HEXA: variants seen among roughly 807,000 people sequenced by gnomAD.
The protein encoded by HEXA is beta-hexosaminidase subunit alpha.
In HEXA, 54 loss-of-function variants were observed where a neutral mutation model predicts 73.3. The observed-to-expected ratio is 0.74, with a 90% CI of 0.59 to 0.92. The LOEUF (loss-of-function observed/expected upper bound fraction) is 0.92. Among genes scored for constraint, HEXA ranks in the 40% least tolerant of loss-of-function variants. The pLI is 0.00. For synonymous variants in HEXA, 230 were observed against 246.9 expected (o/e 0.93, Z 0.64); for missense variants, 649 against 653.0 (o/e 0.99, Z 0.07).
At chr15:72,355,340 A>G (rs2088760906) in intron 3 of HEXA, 1 of 568,912 alleles carries the variant, frequency 1.8e-6, no homozygotes, top group Non-Finnish European at 3.2e-6. Flanking sequence ...GGCCTGGGCA[A>G]TATGGTGAAA....
intron 1 of HEXA, among the ~76,000 whole-genome samples, chr15:72,365,120 C>T (rs1273779944): frequency 3.3e-5 from 5 of 150,568 alleles, no homozygotes; most frequent in African/African-American, 9.8e-5. Context: ...GACGGAGTCT[C>T]GCTCTGTCGC....
chr15:72,350,146 G>T (rs2088675993), intron 7 of HEXA: 1 of 343,934 alleles, frequency 2.9e-6, no homozygotes, highest in African/African-American at 2.1e-5. Flanking sequence ...GGAGGGCTGA[G>T]GGTATACAGA....
Position 72,365,249 on chromosome 15 carries a change from C to T in HEXA, c.254-8632G>A, listed in dbSNP as rs368243018. Among the ~76,000 whole-genome samples, 221 of 152,150 alleles carry T rather than the reference C, an allele frequency of 1.5e-3. 1 individual carries two copies. Among genetic ancestry groups the T allele is most frequent in the Admixed American group, 5.0e-3 (76 of 15,286 alleles). ...GGACCACAGGCGCACGCCACCGTGC[C>T]CGGCTAATTTTTTATTATTATTATT... On this transcript the variant is annotated intron_variant, in intron 1 of 13. Coordinates refer to ENST00000268097, the MANE Select transcript of HEXA (RefSeq NM_000520.6).
chr15:72,346,358 T>C (rs1362083734), intron 11 of HEXA, 33 bp from the exon 12 acceptor site: 2 of 1,584,672 alleles, frequency 1.3e-6, no homozygotes, highest in South Asian at 2.2e-5. Context: ...AGTCTGGTGA[T>C]GGTGGGGTAA....
rs1567293930 is a variant in HEXA at position 72,343,080 on chromosome 15, G to T, written c.*997C>A. ...ACTAAAAATACAAAAAATTAGCCGG[G>T]CGTGGTGGCGGGCGCCTGTAGTCCC... On this transcript the variant is annotated 3_prime_UTR_variant, in exon 14 of 14. Coordinates refer to ENST00000268097, the MANE Select transcript of HEXA (RefSeq NM_000520.6). 6.6e-6 allele frequency: 1 copy of T among 152,280 alleles called. No homozygotes were observed. The highest frequency in any genetic ancestry group is 6.5e-5 in the Admixed American group (1 of 15,282). 9.4% of individuals were successfully genotyped at this position (152,280 alleles called of 1,614,324 possible).
chr15:72,365,283 T>C (rs372522082), intron 1 of HEXA, among the ~76,000 whole-genome samples: 1 of 152,142 alleles, frequency 6.6e-6, no homozygotes, highest in African/African-American at 2.4e-5. Flanking sequence ...TTATTTTTAG[T>C]AGAGACGATG....
At chr15:72,352,989 A>T (rs78840677) in intron 5 of HEXA, 79 bp downstream of exon 5, 2 of 873,692 alleles carry the variant, frequency 2.3e-6, no homozygotes, top group South Asian at 2.7e-5. Context: ...TAACTCTTTA[A>T]GAATTTGGAA....
intron 1 of HEXA, among the ~76,000 whole-genome samples, chr15:72,372,673 A>G (rs1352914309): frequency 6.6e-6 from 1 of 152,218 alleles, no homozygotes; most frequent in Non-Finnish European, 1.5e-5. Flanking sequence ...GAAAGGTGGC[A>G]AATACTAAAC....
intron 1 of HEXA, among the ~76,000 whole-genome samples, chr15:72,364,928 C>G (rs2088897029): frequency 6.7e-6 from 1 of 150,060 alleles, no homozygotes; most frequent in African/African-American, 2.5e-5. Flanking sequence ...CTCAAGTGAT[C>G]CTCCTGCCTC....
At chr15:72,366,939 T>C (rs1331340564) in intron 1 of HEXA, among the ~76,000 whole-genome samples, 1 of 148,310 alleles carries the variant, frequency 6.7e-6, no homozygotes, top group Non-Finnish European at 1.5e-5. Context: ...AATTTCACTG[T>C]TTTTTTTTTG....
intron 1 of HEXA, among the ~76,000 whole-genome samples, chr15:72,362,047 T>C (rs558411904): frequency 2.6e-5 from 4 of 152,360 alleles, no homozygotes; most frequent in Admixed American, 6.5e-5. Context: ...CAGAATTCAC[T>C]GGGTAATCAT....
intron 3 of HEXA, chr15:72,354,191 A>T (rs1008948620): frequency 4.1e-5 from 7 of 171,100 alleles, no homozygotes; most frequent in African/African-American, 1.7e-4. Flanking sequence ...AGTGATCATA[A>T]GCTTGGGTTT....
intron 12 of HEXA, 31 bp downstream of exon 12, chr15:72,346,204 A>T: frequency 1.3e-6 from 2 of 1,555,324 alleles, no homozygotes; most frequent in Non-Finnish European, 1.8e-6. Context: ...TCTCAGGCCC[A>T]ACCCTCCACC....
chr15:72,368,822 C>T (rs1441392636), intron 1 of HEXA, among the ~76,000 whole-genome samples: 2 of 152,188 alleles, frequency 1.3e-5, no homozygotes, highest in Non-Finnish European at 2.9e-5. Context: ...CCAGGCAAAA[C>T]AACAAAGCCA....
chr15:72,368,324 GTA>G (rs1027785533), intron 1 of HEXA, among the ~76,000 whole-genome samples: 4 of 152,130 alleles, frequency 2.6e-5, no homozygotes, highest in African/African-American at 9.7e-5. Flanking sequence ...ACGTGTATGA[GTA>G]TATTACAAGA....
In HEXA at chr15:72,355,638, A is replaced by C. The variant is rs767773209; in HGVS notation, c.347-14T>G. The C allele has an allele frequency of 6.3e-7, 1 of 1,583,272 alleles. No homozygotes were observed. Among genetic ancestry groups the C allele is most frequent in the Non-Finnish European group, 8.7e-7 (1 of 1,151,758 alleles). On this transcript the variant is annotated splice_polypyrimidine_tract_variant and intron_variant, in intron 2 of 13. Transcript: ENST00000268097. ...TGGTCAGGGTATCTGAAATGACAGA[A>C]ATGAACTCATTTAGTTGGTTAAGGT...
intron 1 of HEXA, among the ~76,000 whole-genome samples, chr15:72,367,899 T>C (rs934205411): frequency 5.9e-5 from 9 of 152,244 alleles, no homozygotes; most frequent in Admixed American, 3.3e-4. Flanking sequence ...GTGCACTTTC[T>C]CCTTTTCCCC....
chr15:72,364,968 T>C (rs2088897470), intron 1 of HEXA, among the ~76,000 whole-genome samples: 1 of 151,606 alleles, frequency 6.6e-6, no homozygotes, highest in Non-Finnish European at 1.5e-5. Context: ...ACTACAAGCG[T>C]GCACCAGCAT....
rs1010211503 is a variant in HEXA at position 72,341,304 on chromosome 15, C to G, written c.*2773G>C. 1 of 152,156 alleles carries G rather than the reference C, an allele frequency of 6.6e-6. No individual in the cohort carries two copies. Among genetic ancestry groups the G allele is most frequent in the Non-Finnish European group, 1.5e-5 (1 of 68,046 alleles). The allele number at this position is 152,156 out of a possible 1,614,324, so 9.4% of individuals were successfully genotyped here. A position where few individuals can be genotyped will look rare whatever the true frequency, so the allele number is the denominator to read the frequency against. ...CACCTGTGCTCCCACATCCTGATAT[C>G]CTACCCCTACGGCAATCCTTTGAGA... On this transcript the variant is annotated 3_prime_UTR_variant, in exon 14 of 14. Coordinates refer to ENST00000268097, the MANE Select transcript of HEXA (RefSeq NM_000520.6).
Sources: gnomAD v4.1 joint callset for allele counts (sites outside exome capture counted in the v4.1 genomes callset) on GRCh38, gnomAD v4.1.1 for gene constraint, MANE v1.5 for transcripts, NCBI Gene and HGNC (gene_info 2026-07-23, HGNC 2026-07-21) for gene names.